Variants in NUP155 observed in about 807,000 individuals in gnomAD.
NUP155 encodes the protein nucleoporin 155.
A neutral mutation model predicts 180.4 loss-of-function variants in NUP155; 71 were observed. The ratio of observed to expected loss-of-function variants is 0.39; its 90% confidence interval spans 0.33 to 0.48. The LOEUF (loss-of-function observed/expected upper bound fraction) is 0.48. Ranked by LOEUF, NUP155 falls within the 20% of genes least tolerant of loss-of-function variation. The pLI, the probability that NUP155 is intolerant of heterozygous loss-of-function variation, is 0.91. For synonymous variants in NUP155, 582 were observed against 559.5 expected, an observed-to-expected ratio of 1.04 and a Z score of -0.57; for missense variants, 1,553 against 1,648.9, an observed-to-expected ratio of 0.94 and a Z score of 1.01.
intron 25 of NUP155, among the ~76,000 whole-genome samples, chr5:37,306,667 A>G (rs913087065): frequency 1.3e-5 from 2 of 151,822 alleles, no homozygotes; most frequent in African/African-American, 4.8e-5. Context: ...GGGTTTCACT[A>G]TGATGGCCAG....
In NUP155 at chr5:37,360,187, TAAG is replaced by T. The variant is rs1425589696; in HGVS notation, c.393-2039_393-2037del. ...AATTTCGACAAAAAGATAAAAATTA[TAAG>T]AAGTCAGCGAGGCTGGGTGTGGTGG... On this transcript the variant is annotated intron_variant, in intron 3 of 34. Transcript: ENST00000231498. 1.3e-5 allele frequency among the ~76,000 whole-genome samples: 2 copies of T among 151,944 alleles called. 1 individual carries two copies. Among genetic ancestry groups the T allele is most frequent in the African/African-American group, 4.8e-5 (2 of 41,468 alleles).
intron 4 of NUP155, among the ~76,000 whole-genome samples, chr5:37,356,305 C>T (rs915190422): frequency 4.7e-5 from 7 of 150,054 alleles, no homozygotes; most frequent in African/African-American, 1.7e-4. Context: ...GTGATATCTA[C>T]AAGATTTAAT....
At position 37,350,212 on chromosome 5, in the gene NUP155, G is replaced by C; in HGVS notation, c.777C>G (p.Ser259Arg). Reference sequence around the variant, plus strand: ...AGGAAGGAACAAGGAAAGAAAGTGAGCTCTTTGAGTGGTTTATTTTCCTAC... The same window carrying C: ...AGGAAGGAACAAGGAAAGAAAGTGACCTCTTTGAGTGGTTTATTTTCCTAC... ...QRCRKINHSK[S>R]SLSFLVPSLL... Residue 259 changes from serine to arginine, a missense_variant, in exon 7 of 35, where the codon AGC (serine) becomes AGG (arginine). By Grantham distance (110) the Ser-to-Arg change is moderately radical. Transcript: ENST00000231498. The C allele has an allele frequency of 6.2e-7, 1 of 1,613,914 alleles. No individual in the cohort carries two copies. The highest frequency in any genetic ancestry group is 1.1e-5 in the South Asian group (1 of 91,076).
At chr5:37,316,550 C>T (rs1044326165) in intron 21 of NUP155, among the ~76,000 whole-genome samples, 17 of 152,102 alleles carry the variant, frequency 1.1e-4, no homozygotes, top group Admixed American at 7.9e-4. Flanking sequence ...CTGCAACCTC[C>T]GCCTGCTGGG....
intron 29 of NUP155, among the ~76,000 whole-genome samples, chr5:37,302,412 T>G (rs1742913573): frequency 6.6e-6 from 1 of 152,178 alleles, no homozygotes. Context: ...CTTGTATTTT[T>G]TTAAGTAGAG....
At chr5:37,321,214 T>A (rs1744220889) in intron 20 of NUP155, among the ~76,000 whole-genome samples, 1 of 151,884 alleles carries the variant, frequency 6.6e-6, no homozygotes, top group East Asian at 1.9e-4. Context: ...GGCATGGTGG[T>A]GTGGGGCTGT....
rs1330351061 is a variant in NUP155, at chr5:37,314,255, A to G, written c.2379T>C (p.Ala793=). 1.9e-6 allele frequency: 3 copies of G among 1,610,364 alleles called. No homozygotes were observed. Among genetic ancestry groups the G allele is most frequent in the African/African-American group, 2.7e-5 (2 of 75,004 alleles). ...GATGTTCACAAAGAAGTTTCCATAA[A>G]GCCAGAGCCTGATATGATTTTCGAA... ...QLVRKSYQAL[A]LWKLLCEHQF... The change falls in exon 22 of 35, where the codon GCT becomes GCC. Residue 793 remains alanine, a synonymous_variant. Coordinates refer to ENST00000231498, the MANE Select transcript of NUP155 (RefSeq NM_153485.3).
At chr5:37,295,833 AGG>A (rs1284296690) in intron 32 of NUP155, among the ~76,000 whole-genome samples, 9 of 150,350 alleles carry the variant, frequency 6.0e-5, no homozygotes, top group African/African-American at 2.2e-4. Flanking sequence ...CTGAGAAGTG[AGG>A]AGCCCCTCCG....
chr5:37,368,056 T>C (rs1747716410), intron 1 of NUP155, among the ~76,000 whole-genome samples: 2 of 151,882 alleles, frequency 1.3e-5, no homozygotes, highest in East Asian at 1.9e-4. Flanking sequence ...GCTGGGATTA[T>C]GGGCGTGAGC....
At chr5:37,348,482 C>T in intron 9 of NUP155, 23 bp downstream of exon 9, 1 of 1,430,426 alleles carries the variant, frequency 7.0e-7, no homozygotes. Context: ...AAATGAAATG[C>T]TTAATAATAA....
intron 14 of NUP155, among the ~76,000 whole-genome samples, 167 bp downstream of exon 14, chr5:37,331,518 G>A (rs1184301191): frequency 6.6e-5 from 10 of 152,170 alleles, no homozygotes; most frequent in Non-Finnish European, 1.3e-4. Flanking sequence ...AGGTTGCAGT[G>A]AGCCAAGATT....
chr5:37,344,268 G>A (rs773984974), intron 9 of NUP155, among the ~76,000 whole-genome samples: 2 of 151,096 alleles, frequency 1.3e-5, no homozygotes, highest in African/African-American at 4.9e-5. Flanking sequence ...ACTGGAACTC[G>A]GAGGCAGAGG....
intron 13 of NUP155, among the ~76,000 whole-genome samples, chr5:37,332,920 C>T (rs1745073691): frequency 6.6e-6 from 1 of 151,692 alleles, no homozygotes; most frequent in South Asian, 2.1e-4. Context: ...CTGTGCACCA[C>T]ACTCCAGCCT....
rs1743918354 is a variant in NUP155, at chr5:37,316,863, TTAAAAACAG to T, written c.2305+1116_2305+1124del. Among the ~76,000 whole-genome samples the T allele has an allele frequency of 2.7e-5, 4 of 148,466 alleles. No individual in the cohort carries two copies. The South Asian group carries it at 8.9e-4, about 33-fold the overall frequency. On this transcript the variant is annotated intron_variant, in intron 21 of 34. Coordinates refer to ENST00000231498, the MANE Select transcript of NUP155 (RefSeq NM_153485.3). ...TACTGAATGCCACTGAACTGTACAC[TTAAAAACAG>T]TAAAAACGGGCCAGGCGCAGTGGCT... is the stretch of plus-strand genomic sequence containing the variant.
At chr5:37,367,996 C>T (rs1747712948) in intron 1 of NUP155, among the ~76,000 whole-genome samples, 3 of 152,106 alleles carry the variant, frequency 2.0e-5, no homozygotes, top group Admixed American at 6.6e-5. Flanking sequence ...GTTGGTCAGG[C>T]TGGTCTTGAA....
chr5:37,353,749 TACAG>T (rs1746624306), intron 4 of NUP155, among the ~76,000 whole-genome samples: 1 of 152,152 alleles, frequency 6.6e-6, no homozygotes. Flanking sequence ...GTCAAATTCT[TACAG>T]ACAAAAAGTG....
intron 24 of NUP155, among the ~76,000 whole-genome samples, chr5:37,307,724 C>A (rs1215863637): frequency 6.6e-6 from 1 of 151,818 alleles, no homozygotes; most frequent in Non-Finnish European, 1.5e-5. Flanking sequence ...GGGTTCGAGA[C>A]CAGCCTGACC....
chr5:37,357,839 A>G (rs1385369555), intron 4 of NUP155, among the ~76,000 whole-genome samples: 1 of 152,120 alleles, frequency 6.6e-6, no homozygotes, highest in Non-Finnish European at 1.5e-5. Context: ...CTAAAAATAC[A>G]AAAATTAGCT....
At chr5:37,304,560 T>C (rs866567286) in intron 27 of NUP155, among the ~76,000 whole-genome samples, 179 bp downstream of exon 27, 2 of 152,062 alleles carry the variant, frequency 1.3e-5, no homozygotes, top group African/African-American at 2.4e-5. Context: ...AACAAGAAAA[T>C]TGGAGCAGTA....
Sources: gnomAD v4.1 joint callset for allele counts (sites outside exome capture counted in the v4.1 genomes callset) on GRCh38, gnomAD v4.1.1 for gene constraint, MANE v1.5 for transcripts, NCBI Gene and HGNC (gene_info 2026-07-23, HGNC 2026-07-21) for gene names.